Variants in PPP2R3A observed in about 807,000 individuals in gnomAD.
The protein encoded by PPP2R3A is protein phosphatase 2 regulatory subunit B''alpha, also known as serine/threonine-protein phosphatase 2A regulatory subunit B'' subunit alpha.
A neutral mutation model predicts 106.9 loss-of-function variants in PPP2R3A; 80 were observed. That is an observed-to-expected ratio of 0.75 (90% CI 0.62 to 0.90). PPP2R3A has a LOEUF of 0.90. PPP2R3A is among the 40% of genes least tolerant of loss of function. The pLI is 0.00. For synonymous variants in PPP2R3A, 483 were observed against 468.3 expected (o/e 1.03, Z -0.41); for missense variants, 1,386 against 1,350.4 (o/e 1.03, Z -0.41).
chr3:136,013,189 T>G (rs1447426151), intron 2 of PPP2R3A, among the ~76,000 whole-genome samples: 2 of 139,792 alleles, frequency 1.4e-5, no homozygotes, highest in Non-Finnish European at 3.2e-5. Context: ...TGTGTATGTA[T>G]GTATGTATGT....
chr3:136,062,057 C>T (rs1354754106), intron 5 of PPP2R3A, among the ~76,000 whole-genome samples: 1 of 151,962 alleles, frequency 6.6e-6, no homozygotes, highest in Non-Finnish European at 1.5e-5. Flanking sequence ...TTCTCATTGG[C>T]ATCCCTCAGG....
In PPP2R3A at chr3:136,001,523, G is replaced by A. The variant is rs1318039309; in HGVS notation, c.25G>A (p.Val9Ile). The A allele has an allele frequency of 6.2e-7, 1 of 1,614,006 alleles. No homozygotes were observed. Among genetic ancestry groups the A allele is most frequent in the African/African-American group, 1.3e-5 (1 of 74,936 alleles). ...TATGGCAGCAACTTACAGACTTGTG[G>A]TTAGTACTGTGAACCACTACAGCAG... MAATYRLV[V>I]STVNHYSSVV... The change falls in exon 2 of 14, where the codon GTT (valine) becomes ATT (isoleucine). Residue 9 changes from valine to isoleucine, a missense_variant. Val to Ile is a conservative substitution (Grantham distance 29, BLOSUM62 3). Coordinates refer to ENST00000264977, the MANE Select transcript of PPP2R3A (RefSeq NM_002718.5).
chr3:136,094,687 C>T (rs978493436), intron 10 of PPP2R3A, among the ~76,000 whole-genome samples: 5 of 152,170 alleles, frequency 3.3e-5, no homozygotes, highest in African/African-American at 1.2e-4. Context: ...AAAAGAAATA[C>T]ATAACCTGAA....
At chr3:136,106,954 A>T (rs71310216) in intron 13 of PPP2R3A, 1 of 145,546 alleles carries the variant, frequency 6.9e-6, no homozygotes, top group African/African-American at 2.5e-5. Context: ...AAAAAAAAAA[A>T]CTAAAGCTCC....
At chr3:136,081,812 T>A (rs1364976222) in intron 7 of PPP2R3A, among the ~76,000 whole-genome samples, 2 of 152,224 alleles carry the variant, frequency 1.3e-5, no homozygotes, top group Non-Finnish European at 2.9e-5. Flanking sequence ...ATTGTATATA[T>A]GAGTAACCTT....
intron 9 of PPP2R3A, among the ~76,000 whole-genome samples, chr3:136,089,466 G>C (rs1158579672): frequency 6.6e-6 from 1 of 152,074 alleles, no homozygotes; most frequent in Admixed American, 6.5e-5. Context: ...CCAGTACCAT[G>C]CTGTTTTGGA....
intron 13 of PPP2R3A, 74 bp from the exon 14 acceptor site, chr3:136,144,969 G>C: frequency 6.6e-7 from 1 of 1,518,902 alleles, no homozygotes; most frequent in South Asian, 1.2e-5. Context: ...CTTGAGGCTC[G>C]GATTTGCCAT....
chr3:136,116,787 A>G lies in PPP2R3A; in HGVS notation c.3329+10465A>G, dbSNP rs185477495. 7.2e-5 allele frequency among the ~76,000 whole-genome samples: 11 copies of G among 152,330 alleles called. No homozygotes were observed. In the East Asian group the frequency reaches 1.9e-3, roughly 27 times the overall value. ...AAGAGACTTAGACTCCCACACAATA[A>G]TAGTGGGACACTTTAACACCCCAAT... is the stretch of plus-strand genomic sequence containing the variant. On this transcript the variant is annotated intron_variant, in intron 13 of 13. Coordinates refer to ENST00000264977, the MANE Select transcript of PPP2R3A (RefSeq NM_002718.5).
intron 13 of PPP2R3A, among the ~76,000 whole-genome samples, chr3:136,140,565 A>G (rs1408324271): frequency 6.6e-6 from 1 of 151,952 alleles, no homozygotes; most frequent in African/African-American, 2.4e-5. Context: ...CCTGACCAAC[A>G]TGGAGAAACC....
At chr3:136,022,864 AGAC>A in intron 2 of PPP2R3A, 1 of 1,358,860 alleles carries the variant, frequency 7.4e-7, no homozygotes, top group Non-Finnish European at 9.4e-7. Flanking sequence ...TGGGAGCCAC[AGAC>A]TGTATTTGGG....
chr3:136,008,349 C>T (rs1933916898), intron 2 of PPP2R3A, among the ~76,000 whole-genome samples: 1 of 152,122 alleles, frequency 6.6e-6, no homozygotes, highest in Non-Finnish European at 1.5e-5. Context: ...AATAGGAAAC[C>T]ATTCTCTCCT....
intron 1 of PPP2R3A, among the ~76,000 whole-genome samples, chr3:135,973,549 T>C (rs1937305676): frequency 6.6e-6 from 1 of 152,144 alleles, no homozygotes; most frequent in Admixed American, 6.5e-5. Flanking sequence ...ATTGAAAGTA[T>C]ATTTTCTTGT....
chr3:136,027,187 C>G lies in PPP2R3A; in HGVS notation c.2262+89C>G, dbSNP rs1934698101. On this transcript the variant is annotated intron_variant, in intron 3 of 13. Coordinates refer to ENST00000264977, the MANE Select transcript of PPP2R3A (RefSeq NM_002718.5). ...CTCTAGAAACCCGGATCCCACCCCCCTTCACTGCCTCTTTGCTCTGTTTTT... is the reference window on the plus strand; with the variant it reads ...CTCTAGAAACCCGGATCCCACCCCCGTTCACTGCCTCTTTGCTCTGTTTTT... 6 of 1,180,284 alleles carry G rather than the reference C, an allele frequency of 5.1e-6. No homozygotes were observed. The Admixed American group carries it at 1.2e-4, about 25-fold the overall frequency. The allele number at this position is 1,180,284 out of a possible 1,614,324, so 73.1% of individuals were successfully genotyped here. A position where few individuals can be genotyped will look rare whatever the true frequency, so the allele number is the denominator to read the frequency against.
chr3:136,038,109 G>T (rs1224957236), intron 3 of PPP2R3A, among the ~76,000 whole-genome samples: 2 of 152,040 alleles, frequency 1.3e-5, no homozygotes, highest in South Asian at 2.1e-4. Context: ...TTAAATCTTT[G>T]ATTTTTAAGC....
At chr3:136,015,780 T>C (rs1333223049) in intron 2 of PPP2R3A, among the ~76,000 whole-genome samples, 1 of 152,074 alleles carries the variant, frequency 6.6e-6, no homozygotes, top group Non-Finnish European at 1.5e-5. Context: ...TTGTTTCATT[T>C]CTCTTTTGCA....
intron 1 of PPP2R3A, among the ~76,000 whole-genome samples, chr3:135,981,949 T>C (rs958365882): frequency 5.3e-5 from 8 of 151,638 alleles, no homozygotes; most frequent in Non-Finnish European, 4.4e-5. Flanking sequence ...TCACTCTGAT[T>C]TGTATTACTC....
In PPP2R3A at chr3:136,002,812, T is replaced by C; in HGVS notation, c.1314T>C (p.Ser438=). 6.2e-7 allele frequency: 1 copy of C among 1,613,964 alleles called. No individual in the cohort carries two copies. The highest frequency in any genetic ancestry group is 8.5e-7 in the Non-Finnish European group (1 of 1,179,872). Residue 438 remains serine, a synonymous_variant, in exon 2 of 14, where the codon AGT becomes AGC. Transcript: ENST00000264977. ...GACAAAAGACAGAGAATGGACCTAG[T>C]CATGAGTTATTAAAGGTAAATGAAC... The part of the protein sequence containing the change: ...DKGQKTENGP[S]HELLKVNEHR...
intron 7 of PPP2R3A, among the ~76,000 whole-genome samples, chr3:136,079,647 TCCA>T (rs1341705028): frequency 1.3e-5 from 2 of 152,024 alleles, no homozygotes; most frequent in East Asian, 3.9e-4. Context: ...GACCTCATGA[TCCA>T]CCTGCCTCAG....
chr3:135,988,608 C>G (rs1032917505), intron 1 of PPP2R3A, among the ~76,000 whole-genome samples: 4 of 152,146 alleles, frequency 2.6e-5, no homozygotes, highest in African/African-American at 7.2e-5. Context: ...CACTGGCATT[C>G]TCACTCTTGC....
Sources: allele counts gnomAD v4.1 joint callset (sites outside exome capture counted in the v4.1 genomes callset), GRCh38; gene constraint gnomAD v4.1.1; transcripts MANE v1.5; gene names NCBI Gene and HGNC (gene_info 2026-07-23, HGNC 2026-07-21).